The following LARP1 variants were observed in gnomAD, a reference collection of about 807,000 sequenced individuals.
LARP1 encodes the protein la-related protein 1.
LARP1 carries 36 observed loss-of-function variants against 122.7 expected under a neutral mutation model. The observed-to-expected ratio is 0.29, with a 90% CI of 0.22 to 0.39. The LOEUF is 0.39. LARP1 is among the 10% of genes least tolerant of loss of function. The pLI is 1.00. For missense variants in LARP1, 1,040 were observed against 1,403.6 expected, an observed-to-expected ratio of 0.74 and a Z score of 4.14; for synonymous variants, 539 against 528.7, an observed-to-expected ratio of 1.02 and a Z score of -0.27.
chr5:154,787,763 T>A (rs1757003499), intron 1 of LARP1, among the ~76,000 whole-genome samples: 1 of 152,162 alleles, frequency 6.6e-6, no homozygotes, highest in African/African-American at 2.4e-5. Flanking sequence ...TGGACCTTTT[T>A]CAACAAACTC....
At position 154,793,886 on chromosome 5, in the gene LARP1, C is replaced by T; in HGVS notation, c.955C>T (p.Gln319Ter). The T allele has an allele frequency of 6.2e-7, 1 of 1,614,168 alleles. No homozygotes were observed. The part of the protein sequence containing the change: ...EIKPEPAWHD[Q>*]DETSSVKSDG... ...CAAACCGGAGCCTGCCTGGCACGACCAGGATGAGACATCGAGTGTGAAGAG... is the reference window on the plus strand; with the variant it reads ...CAAACCGGAGCCTGCCTGGCACGACTAGGATGAGACATCGAGTGTGAAGAG... The change falls in exon 6 of 19, where the codon CAG (glutamine) becomes TAG (stop). Residue 319 changes from glutamine (Q) to a stop codon, truncating the protein, a stop_gained. Transcript: ENST00000518297. LOFTEE classifies it high-confidence loss of function.
intron 1 of LARP1, among the ~76,000 whole-genome samples, chr5:154,717,907 T>A (rs144085343): frequency 6.6e-6 from 1 of 151,976 alleles, no homozygotes; most frequent in African/African-American, 2.4e-5. Flanking sequence ...GGGTTAGAAA[T>A]AGCCTTTCAT....
intron 1 of LARP1, among the ~76,000 whole-genome samples, chr5:154,763,980 A>T (rs1393222221): frequency 6.6e-6 from 1 of 152,028 alleles, no homozygotes; most frequent in South Asian, 2.1e-4. Flanking sequence ...GTGTCACTGC[A>T]CTCCAGCCTG....
At chr5:154,775,839 ACTGGATAACCTTCGG>A (rs1459368398) in intron 1 of LARP1, among the ~76,000 whole-genome samples, 1 of 152,192 alleles carries the variant, frequency 6.6e-6, no homozygotes, top group African/African-American at 2.4e-5. Context: ...ATACCTTCTC[ACTGGATAACCTTCGG>A]CTAACCACTT....
At chr5:154,781,525 G>A (rs1455440322) in intron 1 of LARP1, among the ~76,000 whole-genome samples, 2 of 151,964 alleles carry the variant, frequency 1.3e-5, no homozygotes, top group African/African-American at 4.8e-5. Context: ...CCTGGGAGGC[G>A]GAGCTTGCAG....
chr5:154,806,613 C>A (rs1027876920), intron 15 of LARP1, among the ~76,000 whole-genome samples: 6 of 152,206 alleles, frequency 3.9e-5, no homozygotes, highest in Non-Finnish European at 5.9e-5. Context: ...AGGAACGAGC[C>A]TGTCTAGATG....
At chr5:154,801,826 T>C (rs1444981158) in intron 10 of LARP1, among the ~76,000 whole-genome samples, 181 bp from the exon 11 acceptor site, 1 of 152,170 alleles carries the variant, frequency 6.6e-6, no homozygotes, top group East Asian at 1.9e-4. Flanking sequence ...CTATGAAACA[T>C]CCTTTCTCAT....
intron 1 of LARP1, among the ~76,000 whole-genome samples, chr5:154,721,160 T>C (rs1755840753): frequency 6.6e-6 from 1 of 151,752 alleles, no homozygotes; most frequent in Middle Eastern, 3.4e-3. Flanking sequence ...CTGGGCAACA[T>C]AGTGCAACCT....
chr5:154,704,855 C>T (rs759635295), intron 1 of LARP1, among the ~76,000 whole-genome samples: 16 of 151,966 alleles, frequency 1.1e-4, no homozygotes, highest in Non-Finnish European at 1.8e-4. Context: ...TAGTGGCTCA[C>T]GCCTGTAATT....
chr5:154,790,581 G>A, intron 2 of LARP1, 64 bp from the exon 3 acceptor site: 2 of 1,565,764 alleles, frequency 1.3e-6, no homozygotes, highest in Non-Finnish European at 1.8e-6. Context: ...TGAAGCTTGG[G>A]TCGGGGGCTG....
chr5:154,805,753 G>T, intron 14 of LARP1, 128 bp from the exon 15 acceptor site: 1 of 930,992 alleles, frequency 1.1e-6, no homozygotes, highest in Non-Finnish European at 1.6e-6. Context: ...GTCCGTAACT[G>T]GGCCTCCTTG....
intron 15 of LARP1, among the ~76,000 whole-genome samples, chr5:154,806,943 C>T (rs1758839975): frequency 6.6e-6 from 1 of 152,170 alleles, no homozygotes; most frequent in Admixed American, 6.5e-5. Flanking sequence ...TGCTATGCCC[C>T]TTACCAGTCA....
intron 1 of LARP1, among the ~76,000 whole-genome samples, chr5:154,685,395 C>T (rs1289465380): frequency 6.6e-6 from 1 of 152,204 alleles, no homozygotes; most frequent in Admixed American, 6.5e-5. Flanking sequence ...ATGGTACCTT[C>T]TCCCCTCAGA....
At chr5:154,794,700 C>T (rs1017429228) in intron 7 of LARP1, among the ~76,000 whole-genome samples, 8 of 152,150 alleles carry the variant, frequency 5.3e-5, no homozygotes, top group Non-Finnish European at 1.2e-4. Flanking sequence ...AGCAAACCGG[C>T]CCAGTAATTT....
chr5:154,792,259 A>G (rs1036573488), intron 3 of LARP1, among the ~76,000 whole-genome samples: 2 of 152,192 alleles, frequency 1.3e-5, no homozygotes, highest in African/African-American at 2.4e-5. Context: ...TACTTCACAG[A>G]CAGAGTTGTT....
intron 1 of LARP1, among the ~76,000 whole-genome samples, chr5:154,749,332 C>T (rs1036339495): frequency 2.7e-4 from 41 of 152,284 alleles, no homozygotes; most frequent in African/African-American, 5.5e-4. Context: ...TGCTTGTTTC[C>T]GACTCAGAGG....
At chr5:154,723,452 T>C (rs1442908583) in intron 1 of LARP1, among the ~76,000 whole-genome samples, 2 of 152,004 alleles carry the variant, frequency 1.3e-5, no homozygotes, top group African/African-American at 4.8e-5. Flanking sequence ...TGGACTGGGA[T>C]GGGGAAAGTT....
rs1307611973 is a variant in LARP1 at position 154,802,109 on chromosome 5, T to C, written c.1819T>C (p.Phe607Leu). ...KDQDEQEELD[F>L]LFDEEMEQMD... is the part of the protein sequence containing the mutation. Reference sequence around the variant, plus strand: ...TCAGGATGAGCAAGAGGAACTGGATTTTCTGTTTGACGAGGAGATGGAGCA... The same window carrying C: ...TCAGGATGAGCAAGAGGAACTGGATCTTCTGTTTGACGAGGAGATGGAGCA... Residue 607 changes from phenylalanine to leucine, a missense_variant, in exon 11 of 19, where the codon TTT (phenylalanine) becomes CTT (leucine). Around this residue, in one of 8 missense-constraint regions of LARP1, gnomAD observed 362 missense variants for 533.1 expected, o/e 0.68. Transcript: ENST00000518297. The surrounding 1 kb of genome is among the most constrained non-coding windows in gnomAD (Gnocchi z 5.1). The C allele has an allele frequency of 1.2e-6, 2 of 1,614,124 alleles. No individual in the cohort carries two copies. The highest frequency in any genetic ancestry group is 2.2e-5 in the South Asian group (2 of 91,078).
intron 1 of LARP1, among the ~76,000 whole-genome samples, chr5:154,698,469 C>T (rs569129630): frequency 3.9e-5 from 6 of 152,126 alleles, no homozygotes; most frequent in East Asian, 1.9e-4. Context: ...TGGTGGCAGG[C>T]GCCTGTAATC....
Sources: gnomAD v4.1 joint callset for allele counts (sites outside exome capture counted in the v4.1 genomes callset) on GRCh38, gnomAD v4.1.1 for gene constraint, gnomAD v4.1.1 regional missense constraint, Gnocchi (gnomAD v3.1) non-coding constraint, MANE v1.5 for transcripts, NCBI Gene and HGNC (gene_info 2026-07-23, HGNC 2026-07-21) for gene names.